The following RBFOX1 variants were observed in gnomAD, a reference collection of about 807,000 sequenced individuals.
The protein encoded by RBFOX1 is RNA binding protein fox-1 homolog 1.
In RBFOX1, 8 loss-of-function variants were observed where a neutral mutation model predicts 57.7. The ratio of observed to expected loss-of-function variants is 0.14; its 90% CI spans 0.08 to 0.25. The LOEUF is 0.25. Ranked by LOEUF, RBFOX1 falls within the 10% of genes least tolerant of loss-of-function variation. The pLI is 1.00. For missense variants in RBFOX1, 611 were observed against 548.5 expected (o/e 1.11, Z -1.14); for synonymous variants, 326 against 222.4 (o/e 1.47, Z -4.15).
At chr16:7,239,985 G>C (rs1300596409) in intron 4 of RBFOX1, among the ~76,000 whole-genome samples, 1 of 152,012 alleles carries the variant, frequency 6.6e-6, no homozygotes, top group Non-Finnish European at 1.5e-5. Context: ...ACGATTATTT[G>C]AGACTGAGCC....
chr16:6,749,976 G>A (rs549263975), intron 3 of RBFOX1, among the ~76,000 whole-genome samples: 1 of 152,252 alleles, frequency 6.6e-6, no homozygotes, highest in Non-Finnish European at 1.5e-5. Flanking sequence ...AAAAGATGGT[G>A]CTCTCAGAGT....
chr16:5,874,475 T>C (rs901828084), intron 4 of RBFOX1, among the ~76,000 whole-genome samples: 8 of 152,070 alleles, frequency 5.3e-5, no homozygotes, highest in Admixed American at 1.3e-4. Context: ...CAGAGAGCTA[T>C]GGTACTGATT....
intron 2 of RBFOX1, among the ~76,000 whole-genome samples, chr16:5,558,193 C>T (rs770732966): frequency 5.9e-5 from 9 of 152,326 alleles, no homozygotes; most frequent in Admixed American, 1.3e-4. Flanking sequence ...AAGGCTGTCA[C>T]ACTAGCCCCC....
At chr16:7,240,141 A>G (rs2152965411) in intron 4 of RBFOX1, among the ~76,000 whole-genome samples, 1 of 152,090 alleles carries the variant, frequency 6.6e-6, no homozygotes, top group African/African-American at 2.4e-5. Flanking sequence ...TAATTTTTGT[A>G]TTTTCAGTAG....
chr16:7,005,609 G>T (rs7184079), intron 3 of RBFOX1, among the ~76,000 whole-genome samples: 114,845 of 151,972 alleles, frequency 0.76, 43,557 homozygotes, highest in East Asian at 0.92. Flanking sequence ...TTGGTAGGAG[G>T]TGGCTTGACA....
intron 5 of RBFOX1, among the ~76,000 whole-genome samples, chr16:7,575,490 G>A (rs1003544246): frequency 3.9e-5 from 6 of 152,218 alleles, no homozygotes; most frequent in African/African-American, 1.4e-4. Flanking sequence ...CCCCCGCAGA[G>A]GGAAGTAGGG....
intron 4 of RBFOX1, among the ~76,000 whole-genome samples, chr16:7,313,447 T>C (rs1750842888): frequency 6.9e-6 from 1 of 145,294 alleles, no homozygotes; most frequent in African/African-American, 2.5e-5. Flanking sequence ...TTCTTTCTTC[T>C]TTTTTATCTT....
chr16:7,335,657 C>G (rs945729848), intron 4 of RBFOX1, among the ~76,000 whole-genome samples: 3 of 151,156 alleles, frequency 2.0e-5, no homozygotes, highest in Non-Finnish European at 4.4e-5. Flanking sequence ...AAGACGGCAT[C>G]CACCTAATCC....
chr16:7,634,676 T>G (rs1355347638), intron 11 of RBFOX1, among the ~76,000 whole-genome samples: 1 of 152,134 alleles, frequency 6.6e-6, no homozygotes, highest in Non-Finnish European at 1.5e-5. Context: ...TACAACTAAT[T>G]CCGTAGACTC....
intron 3 of RBFOX1, among the ~76,000 whole-genome samples, chr16:6,743,678 G>A (rs1172359489): frequency 3.3e-5 from 5 of 151,824 alleles, no homozygotes; most frequent in Admixed American, 1.3e-4. Flanking sequence ...GGGAGGCTGA[G>A]GCTGCACTGG....
rs753040791 is a variant in RBFOX1 at position 5,285,980 on chromosome 16, C to T, written c.219+45875C>T. On this transcript the variant is annotated intron_variant, in intron 1 of 2. Transcript: ENST00000585867. ...AGAGACAGGGTTTCACCATGTTGGC[C>T]GGGCTGGTCTCGAACTCCTCACCTC... is the stretch of plus-strand genomic sequence containing the variant. 5.3e-5 allele frequency among the ~76,000 whole-genome samples: 8 copies of T among 152,098 alleles called. No homozygotes were observed. The South Asian group carries it at 6.2e-4, about 12-fold the overall frequency.
chr16:6,445,965 A>T (rs77946080), intron 2 of RBFOX1, among the ~76,000 whole-genome samples: 60 of 150,792 alleles, frequency 4.0e-4, no homozygotes, highest in African/African-American at 1.1e-3. Context: ...ACTTTTTTAA[A>T]TTTTTTTTTA....
chr16:6,093,601 C>T lies in RBFOX1; in HGVS notation c.-127+73609C>T, dbSNP rs551011962. ...GTATTGTGTAATTAAGGGCATGGGA[C>T]GGTCTGTGAATTCTGTAATCTTTTC... On this transcript the variant is annotated intron_variant, in intron 1 of 15. Coordinates refer to ENST00000550418, the MANE Select transcript of RBFOX1 (RefSeq NM_018723.4). Among the ~76,000 whole-genome samples the T allele has an allele frequency of 7.2e-5, 11 of 151,972 alleles. 1 individual carries two copies. The South Asian group carries it at 1.0e-3, about 14-fold the overall frequency.
intron 2 of RBFOX1, among the ~76,000 whole-genome samples, chr16:6,522,203 A>G (rs1213863027): frequency 2.7e-5 from 4 of 145,724 alleles, no homozygotes; most frequent in Non-Finnish European, 6.0e-5. Context: ...GTGTCTTAAA[A>G]ATTAGGATGA....
At chr16:6,859,804 A>G (rs1255033194) in intron 3 of RBFOX1, among the ~76,000 whole-genome samples, 2 of 143,772 alleles carry the variant, frequency 1.4e-5, no homozygotes, top group Non-Finnish European at 1.6e-5. Flanking sequence ...TGATACAAGT[A>G]TATTTTTTCT....
At chr16:6,336,692 G>A (rs1024015619) in intron 2 of RBFOX1, among the ~76,000 whole-genome samples, 3 of 152,096 alleles carry the variant, frequency 2.0e-5, no homozygotes, top group African/African-American at 7.2e-5. Context: ...CTGTAAAGAG[G>A]TGGGGGGGAA....
intron 2 of RBFOX1, among the ~76,000 whole-genome samples, chr16:6,389,344 T>TACTC (rs3065908): frequency 0.14 from 21,092 of 152,182 alleles, 1,786 homozygotes; most frequent in African/African-American, 0.23. Context: ...ACCACTAGCT[T>TACTC]ACATATCCTT....
At chr16:5,389,391 A>T (rs959772167) in intron 1 of RBFOX1, among the ~76,000 whole-genome samples, 3 of 152,076 alleles carry the variant, frequency 2.0e-5, no homozygotes, top group Non-Finnish European at 4.4e-5. Flanking sequence ...CTTGTGCCTC[A>T]TACGATGTTG....
At chr16:7,350,851 G>C (rs1038131843) in intron 4 of RBFOX1, among the ~76,000 whole-genome samples, 10 of 152,248 alleles carry the variant, frequency 6.6e-5, no homozygotes, top group Admixed American at 3.9e-4. Flanking sequence ...CTGAAGGTCT[G>C]GTATTTTGTG....
Sources: allele counts gnomAD v4.1 joint callset (sites outside exome capture counted in the v4.1 genomes callset), GRCh38; gene constraint gnomAD v4.1.1; transcripts MANE v1.5; gene names NCBI Gene and HGNC (gene_info 2026-07-23, HGNC 2026-07-21).